Variants in TENM2 observed in about 807,000 individuals in gnomAD.
TENM2 encodes teneurin-2.
Under a neutral mutation model 245.2 loss-of-function variants are expected in TENM2, and 52 were observed. The ratio of observed to expected loss-of-function variants is 0.21; its 90% CI spans 0.17 to 0.27. The LOEUF is 0.27. Ranked by LOEUF, TENM2 falls within the 10% of genes least tolerant of loss-of-function variation. The pLI, the probability that TENM2 is intolerant of heterozygous loss-of-function variation, is 1.00. For synonymous variants in TENM2, 1,363 were observed against 1,438.9 expected (o/e 0.95, Z 1.19); for missense variants, 3,046 against 3,666.8 (o/e 0.83, Z 4.37).
chr5:167,340,285 GT>G (rs1259424414), intron 1 of TENM2, among the ~76,000 whole-genome samples: 1 of 152,202 alleles, frequency 6.6e-6, no homozygotes, highest in Non-Finnish European at 1.5e-5. Context: ...TGTGTGTTTA[GT>G]TATTTGCTAC....
At chr5:166,980,204 G>C in the TENM2 span, among the ~76,000 whole-genome samples, 1 of 152,158 alleles carries the variant, frequency 6.6e-6, no homozygotes, top group Non-Finnish European at 1.5e-5. Flanking sequence ...CAGTGATTGA[G>C]CTATTGCTAA....
At chr5:167,225,601 A>G in the TENM2 span, among the ~76,000 whole-genome samples, 3 of 152,180 alleles carry the variant, frequency 2.0e-5, no homozygotes, top group South Asian at 2.1e-4. Flanking sequence ...TTCTATGTTC[A>G]TCAGGGATAA....
At chr5:167,038,096 A>G in the TENM2 span, among the ~76,000 whole-genome samples, 1 of 152,216 alleles carries the variant, frequency 6.6e-6, no homozygotes, top group Non-Finnish European at 1.5e-5. Flanking sequence ...ATGAAGACTG[A>G]GGGACCTTCT....
intron 2 of TENM2, among the ~76,000 whole-genome samples, chr5:167,813,387 G>GCACA (rs142804283): frequency 0.012 from 1,741 of 145,506 alleles, 32 homozygotes; most frequent in East Asian, 0.09. Context: ...TACAAGTTCT[G>GCACA]CACACACACA....
At chr5:167,716,943 T>G (rs1283525411) in intron 2 of TENM2, among the ~76,000 whole-genome samples, 1 of 133,368 alleles carries the variant, frequency 7.5e-6, no homozygotes, top group Non-Finnish European at 1.5e-5. Flanking sequence ...TTTATTTTAT[T>G]CTATTCTATT....
chr5:167,596,541 C>A (rs1476756494), intron 2 of TENM2, among the ~76,000 whole-genome samples: 1 of 152,136 alleles, frequency 6.6e-6, no homozygotes, highest in Non-Finnish European at 1.5e-5. Context: ...CGCCTGTAAT[C>A]CCAGCACTTT....
chr5:167,514,627 A>C (rs1770194563), intron 2 of TENM2, among the ~76,000 whole-genome samples: 1 of 152,196 alleles, frequency 6.6e-6, no homozygotes, highest in East Asian at 1.9e-4. Context: ...AAGCTTCCCA[A>C]GTGCTTCTTG....
exon 19 of TENM2, chr5:168,204,611 T>C (rs762615188): frequency 7.4e-6 from 12 of 1,613,626 alleles, no homozygotes; most frequent in Non-Finnish European, 8.5e-6. Context: ...GACCAGCATC[T>C]TGGAGTTACG....
the TENM2 span, among the ~76,000 whole-genome samples, chr5:167,187,485 G>A: frequency 1.3e-5 from 2 of 152,092 alleles, no homozygotes; most frequent in African/African-American, 4.8e-5. Flanking sequence ...CAGATGTTTG[G>A]GTCCTGAACT....
chr5:168,065,771 A>G (rs765541615), intron 7 of TENM2, among the ~76,000 whole-genome samples: 52 of 151,896 alleles, frequency 3.4e-4, no homozygotes, highest in Non-Finnish European at 1.9e-4. Context: ...AAATGTTTAT[A>G]TATTATTTTT....
Position 167,870,569 on chromosome 5 carries a change from A to ATG in TENM2, c.503-5409_503-5408dup, listed in dbSNP as rs1554135290. 1.2e-3 allele frequency among the ~76,000 whole-genome samples: 173 copies of ATG among 142,430 alleles called. 1 individual carries two copies. The highest frequency in any genetic ancestry group is 2.3e-3 in the African/African-American group (85 of 36,184). The allele number at this position is 142,430 out of a possible 152,430, so 93.4% of individuals were successfully genotyped here. ...AATGTGTATACATATATATATATAT[A>ATG]TGTGTGTGTATATATATATGTATAT... On this transcript the variant is annotated intron_variant, in intron 2 of 28. Transcript: ENST00000518659.
At chr5:167,377,070 GCATCTAAAAAACT>G (rs1443014442) in intron 2 of TENM2, among the ~76,000 whole-genome samples, 1 of 151,918 alleles carries the variant, frequency 6.6e-6, no homozygotes, top group Non-Finnish European at 1.5e-5. Context: ...TAAGTTATAT[GCATCTAAAAAACT>G]CATCTAATAA....
chr5:167,969,418 C>T (rs912138228), intron 4 of TENM2, among the ~76,000 whole-genome samples: 1 of 152,298 alleles, frequency 6.6e-6, no homozygotes, highest in East Asian at 1.9e-4. Context: ...TGTGAGGCCT[C>T]CTCAGCCATG....
intron 2 of TENM2, among the ~76,000 whole-genome samples, chr5:167,553,333 G>T (rs1773076200): frequency 6.6e-6 from 1 of 152,186 alleles, no homozygotes; most frequent in South Asian, 2.1e-4. Context: ...TATAAATGGG[G>T]CTGGAGGGGC....
rs558605714 is a variant in TENM2, at chr5:167,722,439, T to C, written c.503-153547T>C. 3.3e-5 allele frequency among the ~76,000 whole-genome samples: 5 copies of C among 152,250 alleles called. No individual in the cohort carries two copies. In the East Asian group the frequency reaches 5.8e-4, roughly 18 times the overall value. On this transcript the variant is annotated intron_variant, in intron 2 of 28. Transcript: ENST00000518659. ...ACATAGATATAGGTAGAGATACAGC[T>C]ATAGATTTAGATACAGATACAGATA...
chr5:167,264,105 CAAAA>C, the TENM2 span, among the ~76,000 whole-genome samples: 2 of 106,980 alleles, frequency 1.9e-5, no homozygotes, highest in Non-Finnish European at 2.1e-5. Flanking sequence ...AACTCTGTCT[CAAAA>C]AAAAAAAAAA....
chr5:167,004,330 A>T, the TENM2 span, among the ~76,000 whole-genome samples: 1 of 152,154 alleles, frequency 6.6e-6, no homozygotes, highest in Non-Finnish European at 1.5e-5. Flanking sequence ...TCTGTTTTTG[A>T]TCTGTTACAA....
chr5:167,247,816 C>G, the TENM2 span, among the ~76,000 whole-genome samples: 1 of 152,008 alleles, frequency 6.6e-6, no homozygotes, highest in Non-Finnish European at 1.5e-5. Context: ...GCTGTAGAAC[C>G]TCTAATGGAT....
chr5:167,776,593 G>GAAAAAAAAAAAA lies in TENM2; in HGVS notation c.503-99371_503-99360dup, dbSNP rs869252752. 7.8e-4 allele frequency among the ~76,000 whole-genome samples: 28 copies of GAAAAAAAAAAAA among 36,022 alleles called. 3 individuals carry two copies. Among genetic ancestry groups the GAAAAAAAAAAAA allele is most frequent in the African/African-American group, 1.0e-3 (12 of 11,436 alleles). 23.6% of individuals were successfully genotyped at this position (36,022 alleles called of 152,430 possible). Reference sequence around the variant, plus strand: ...TTGGGCAGCAGATGAGACCCTGTCTGAAAAAAAAAAAAAAAAAAAAAAAAA... The same window carrying GAAAAAAAAAAAA: ...TTGGGCAGCAGATGAGACCCTGTCTGAAAAAAAAAAAAAAAAAAAAAAAAAAAAAAAAAAAAA... On this transcript the variant is annotated intron_variant, in intron 2 of 28. Coordinates refer to ENST00000518659, the Ensembl canonical transcript of TENM2.
Sources: gnomAD v4.1 joint callset for allele counts (sites outside exome capture counted in the v4.1 genomes callset) on GRCh38, gnomAD v4.1.1 for gene constraint, MANE v1.5 for transcripts, NCBI Gene and HGNC (gene_info 2026-07-23, HGNC 2026-07-21) for gene names.